MFN1: variants seen among roughly 807,000 people sequenced by gnomAD.
The protein encoded by MFN1 is mitofusin 1, also known as mitofusin-1.
Under a neutral mutation model 92.4 loss-of-function variants are expected in MFN1, and 65 were observed. That is an observed-to-expected ratio of 0.70 (90% CI 0.58 to 0.86). The LOEUF (loss-of-function observed/expected upper bound fraction) is 0.86, where lower values mean the gene tolerates loss of function less well. MFN1 is among the 40% of genes least tolerant of loss of function. The pLI is 0.00. For synonymous variants in MFN1, 297 were observed against 300.9 expected (o/e 0.99, Z 0.13); for missense variants, 781 against 868.0 (o/e 0.90, Z 1.26).
rs1162748428 is a variant in MFN1, at chr3:179,394,586, T to G, written c.*2527T>G. On this transcript the variant is annotated 3_prime_UTR_variant, in exon 18 of 18. Coordinates refer to ENST00000471841, the MANE Select transcript of MFN1 (RefSeq NM_033540.3). ...GCCCGCCACCACGCCCGGCTAATTT[T>G]TTGTATTTTTAGTAGAGACGGGGTT... 6.6e-6 allele frequency: 1 copy of G among 151,546 alleles called. No individual in the cohort carries two copies. The highest frequency in any genetic ancestry group is 1.5e-5 in the Non-Finnish European group (1 of 67,874). The allele number at this position is 151,546 out of a possible 1,614,324, so 9.4% of individuals were successfully genotyped here. A position where few individuals can be genotyped will look rare whatever the true frequency, so the allele number is the denominator to read the frequency against.
chr3:179,361,709 G>T (rs1351172767), intron 4 of MFN1, among the ~76,000 whole-genome samples: 1 of 151,988 alleles, frequency 6.6e-6, no homozygotes, highest in East Asian at 1.9e-4. Flanking sequence ...GCTAATTTTT[G>T]TATTTTTTGT....
Position 179,347,720 on chromosome 3 carries a change from C to T in MFN1, c.-98C>T, listed in dbSNP as rs890706452. On this transcript the variant is annotated 5_prime_UTR_variant, in exon 1 of 18. Coordinates refer to ENST00000471841, the MANE Select transcript of MFN1 (RefSeq NM_033540.3). ...GACCGCCCTTTGCCACTCCCCCTGC[C>T]TCCTCTCCGCCTTTAACTTCTCGGG... 3.3e-5 allele frequency: 5 copies of T among 152,348 alleles called. No homozygotes were observed. The highest frequency in any genetic ancestry group is 9.6e-5 in the African/African-American group (4 of 41,478). 9.4% of individuals were successfully genotyped at this position (152,348 alleles called of 1,614,324 possible). A position where few individuals can be genotyped will look rare whatever the true frequency, so the allele number is the denominator to read the frequency against.
intron 10 of MFN1, 123 bp from the exon 11 acceptor site, chr3:179,376,919 T>TACAAAAACTTGTA: frequency 3.5e-6 from 3 of 857,284 alleles, no homozygotes; most frequent in Non-Finnish European, 5.2e-6. Flanking sequence ...TTTGAGATGT[T>TACAAAAACTTGTA]ACAAGTTTTT....
chr3:179,394,887 A>G lies in MFN1; in HGVS notation c.*2828A>G, dbSNP rs1192229097. The G allele has an allele frequency of 6.6e-6, 1 of 152,224 alleles. No individual in the cohort carries two copies. Among genetic ancestry groups the G allele is most frequent in the African/African-American group, 2.4e-5 (1 of 41,462 alleles). The allele number at this position is 152,224 out of a possible 1,614,324, so 9.4% of individuals were successfully genotyped here. On this transcript the variant is annotated 3_prime_UTR_variant, in exon 18 of 18. Transcript: ENST00000471841. ...AATCTTTTTACAAAAATTTTTTTTCAGTATGCAAGCTTGCAAGATGAAAAT... is the reference window on the plus strand; with the variant it reads ...AATCTTTTTACAAAAATTTTTTTTCGGTATGCAAGCTTGCAAGATGAAAAT...
chr3:179,392,196 G>C lies in MFN1; in HGVS notation c.*137G>C, dbSNP rs776894728. On this transcript the variant is annotated 3_prime_UTR_variant, in exon 18 of 18. Transcript: ENST00000471841. ...AATAGCAAAGCCCTGTGTAGATTCT[G>C]GTAATGATCTGTCTCAGGGTATGTG... 2.0e-5 allele frequency: 12 copies of C among 597,842 alleles called. No homozygotes were observed. Among genetic ancestry groups the C allele is most frequent in the Non-Finnish European group, 3.6e-5 (12 of 333,330 alleles). The allele number at this position is 597,842 out of a possible 1,614,324, so 37.0% of individuals were successfully genotyped here.
chr3:179,359,044 A>G (rs752135115), intron 4 of MFN1, 42 bp downstream of exon 4: 7 of 1,575,656 alleles, frequency 4.4e-6, no homozygotes, highest in African/African-American at 4.1e-5. Context: ...ACCTGAAACA[A>G]TGTCCTGAAC....
chr3:179,348,796 G>T, intron 1 of MFN1, 49 bp from the exon 2 acceptor site: 2 of 1,585,444 alleles, frequency 1.3e-6, no homozygotes, highest in Non-Finnish European at 8.6e-7. Context: ...CAGTTTGCAT[G>T]TCTATCATCC....
At chr3:179,374,873 A>G (rs1227200576) in intron 9 of MFN1, among the ~76,000 whole-genome samples, 1 of 152,224 alleles carries the variant, frequency 6.6e-6, no homozygotes, top group Non-Finnish European at 1.5e-5. Flanking sequence ...TAGAAGGACT[A>G]GAATTGGATT....
intron 2 of MFN1, among the ~76,000 whole-genome samples, chr3:179,349,287 A>G (rs1323396058): frequency 6.6e-6 from 1 of 152,206 alleles, no homozygotes; most frequent in Admixed American, 6.5e-5. Flanking sequence ...AAGAAAAGTT[A>G]AACAGTTTGC....
intron 16 of MFN1, among the ~76,000 whole-genome samples, chr3:179,387,528 AGAGT>A (rs1252395308): frequency 6.6e-6 from 1 of 150,582 alleles, no homozygotes; most frequent in East Asian, 2.0e-4. Flanking sequence ...CCTGGGCGAC[AGAGT>A]GAGAGACTAT....
At chr3:179,350,024 C>T (rs1268103581) in intron 2 of MFN1, among the ~76,000 whole-genome samples, 1 of 151,904 alleles carries the variant, frequency 6.6e-6, no homozygotes, top group African/African-American at 2.4e-5. Context: ...TGGTGGCAGA[C>T]GCCTGTAATC....
At position 179,378,310 on chromosome 3, in the gene MFN1, AAAT is replaced by A. The variant is rs772750685; in HGVS notation, c.1330-26_1330-24del. ...AAAAACTACATACTTTCTGGAGAAA[AAAT>A]AATATGGATATTTACCATTGTTAAC... On this transcript the variant is annotated intron_variant, in intron 12 of 17. Transcript: ENST00000471841. 3 of 1,468,772 alleles carry A rather than the reference AAAT, an allele frequency of 2.0e-6. No individual in the cohort carries two copies. In the African/African-American group the frequency reaches 4.3e-5, roughly 21 times the overall value. 91.0% of individuals were successfully genotyped at this position (1,468,772 alleles called of 1,614,324 possible). A position where few individuals can be genotyped will look rare whatever the true frequency, so the allele number is the denominator to read the frequency against.
In MFN1 at chr3:179,370,419, A is replaced by G. The variant is rs1203778438; in HGVS notation, c.975+2316A>G. ...TTTTTTTTTTTTTTTTTTTTTTGAG[A>G]CAGAGTCTCGCTCTGTCGCCGCCAG... On this transcript the variant is annotated intron_variant, in intron 9 of 17. Coordinates refer to ENST00000471841, the MANE Select transcript of MFN1 (RefSeq NM_033540.3). Among the ~76,000 whole-genome samples the G allele has an allele frequency of 1.3e-4, 10 of 75,284 alleles. No homozygotes were observed. The East Asian group carries it at 5.4e-3, about 41-fold the overall frequency. The allele number at this position is 75,284 out of a possible 152,430, so 49.4% of individuals were successfully genotyped here.
chr3:179,389,537 G>A (rs1015816245), intron 16 of MFN1, among the ~76,000 whole-genome samples: 3 of 152,098 alleles, frequency 2.0e-5, no homozygotes, highest in African/African-American at 7.2e-5. Context: ...ATGGGAAGAG[G>A]TATGCTCCCA....
rs548450564 is a variant in MFN1 at position 179,393,252 on chromosome 3, A to G, written c.*1193A>G. The G allele has an allele frequency of 6.6e-6, 1 of 152,354 alleles. No individual in the cohort carries two copies. The highest frequency in any genetic ancestry group is 1.9e-4 in the East Asian group (1 of 5,184). The allele number at this position is 152,354 out of a possible 1,614,324, so 9.4% of individuals were successfully genotyped here. A position where few individuals can be genotyped will look rare whatever the true frequency, so the allele number is the denominator to read the frequency against. ...TTGATTGAAACTCAGATGGAATGGA[A>G]ATGTACAAAAATGACACCATTCTAG... On this transcript the variant is annotated 3_prime_UTR_variant, in exon 18 of 18. Transcript: ENST00000471841.
At chr3:179,379,492 T>G (rs1236366042) in intron 14 of MFN1, among the ~76,000 whole-genome samples, 1 of 152,172 alleles carries the variant, frequency 6.6e-6, no homozygotes, top group East Asian at 1.9e-4. Flanking sequence ...CAGCTGGGAT[T>G]ATACGCACCC....
chr3:179,378,550 T>C, intron 13 of MFN1, 35 bp from the exon 14 acceptor site: 1 of 1,552,584 alleles, frequency 6.4e-7, no homozygotes, highest in Non-Finnish European at 8.8e-7. Context: ...CATTTACCAT[T>C]CTTATCTTAA....
chr3:179,358,156 T>TTTG (rs200117800), intron 3 of MFN1, among the ~76,000 whole-genome samples: 3,768 of 147,966 alleles, frequency 0.025, 207 homozygotes, highest in African/African-American at 0.09. Flanking sequence ...TTTTGTTTTT[T>TTTG]TTTTTTTTTT....
intron 11 of MFN1, 52 bp from the exon 12 acceptor site, chr3:179,377,292 T>C: frequency 6.6e-7 from 1 of 1,524,688 alleles, no homozygotes; most frequent in Non-Finnish European, 8.9e-7. Flanking sequence ...TTTTTTTGAA[T>C]AATTGATAAT....
Sources: gnomAD v4.1 joint callset for allele counts (sites outside exome capture counted in the v4.1 genomes callset) on GRCh38, gnomAD v4.1.1 for gene constraint, MANE v1.5 for transcripts, NCBI Gene and HGNC (gene_info 2026-07-23, HGNC 2026-07-21) for gene names.